ROBO2: variants seen among roughly 807,000 people sequenced by gnomAD.
The protein encoded by ROBO2 is roundabout homolog 2.
Under a neutral mutation model 160.8 loss-of-function variants are expected in ROBO2, and 53 were observed. The ratio of observed to expected loss-of-function variants is 0.33; its 90% confidence interval spans 0.26 to 0.41. ROBO2 has a LOEUF of 0.41. Among genes scored for constraint, ROBO2 ranks in the 10% least tolerant of loss-of-function variants. The pLI is 1.00. For synonymous variants in ROBO2, 664 were observed against 611.7 expected, an observed-to-expected ratio of 1.09 and a Z score of -1.26; for missense variants, 1,577 against 1,722.4, an observed-to-expected ratio of 0.92 and a Z score of 1.49.
At chr3:76,305,459 T>C (rs1052095976) in intron 2 of ROBO2, among the ~76,000 whole-genome samples, 2 of 112,820 alleles carry the variant, frequency 1.8e-5, no homozygotes, top group Non-Finnish European at 3.5e-5. Flanking sequence ...TTACATAAAA[T>C]GATGGCTACA....
At chr3:77,217,443 G>A (rs538666729) in intron 2 of ROBO2, among the ~76,000 whole-genome samples, 28 of 152,092 alleles carry the variant, frequency 1.8e-4, no homozygotes, top group African/African-American at 6.0e-4. Flanking sequence ...ATGCCTGGCC[G>A]ATTTTTCTAC....
intron 2 of ROBO2, among the ~76,000 whole-genome samples, chr3:75,954,127 A>T (rs1948645832): frequency 6.6e-6 from 1 of 151,872 alleles, no homozygotes; most frequent in African/African-American, 2.4e-5. Context: ...TCAAAAGGAT[A>T]TCATGTACCC....
chr3:77,574,449 G>A (rs772241265), intron 13 of ROBO2, 50 bp from the exon 15 acceptor site: 1 of 1,460,776 alleles, frequency 6.8e-7, no homozygotes, highest in South Asian at 1.1e-5. Context: ...TCATTGTGTT[G>A]TCTAAAATAC....
intron 2 of ROBO2, among the ~76,000 whole-genome samples, chr3:77,020,867 C>G (rs2062589889): frequency 6.6e-6 from 1 of 151,984 alleles, no homozygotes; most frequent in South Asian, 2.1e-4. Flanking sequence ...CTATAACAAA[C>G]AGTGGGAAAA....
intron 2 of ROBO2, among the ~76,000 whole-genome samples, chr3:76,504,387 A>T (rs2080659557): frequency 6.6e-6 from 1 of 152,196 alleles, no homozygotes; most frequent in Admixed American, 6.5e-5. Context: ...ACCGTGAAGA[A>T]CTATGAGATC....
chr3:76,365,068 A>C (rs916023221), intron 2 of ROBO2, among the ~76,000 whole-genome samples: 1 of 119,894 alleles, frequency 8.3e-6, no homozygotes, highest in Non-Finnish European at 1.8e-5. Context: ...TTTTCTAATA[A>C]GAAGCCACAC....
At chr3:76,035,062 G>T (rs182652223) in intron 2 of ROBO2, among the ~76,000 whole-genome samples, 125 of 152,086 alleles carry the variant, frequency 8.2e-4, no homozygotes, top group African/African-American at 2.9e-3. Flanking sequence ...TTACATAGAA[G>T]TGACTGTTTT....
At chr3:77,559,803 A>G (rs1423015171) in intron 9 of ROBO2, among the ~76,000 whole-genome samples, 4 of 151,996 alleles carry the variant, frequency 2.6e-5, no homozygotes, top group Non-Finnish European at 2.9e-5. Flanking sequence ...CTTTATATAT[A>G]TAATATTTAT....
intron 2 of ROBO2, among the ~76,000 whole-genome samples, chr3:77,351,815 A>G (rs541429414): frequency 6.6e-6 from 1 of 152,200 alleles, no homozygotes; most frequent in Admixed American, 6.5e-5. Flanking sequence ...TCCAACAATA[A>G]GAGTCGCAGG....
At chr3:76,978,367 T>G (rs1466458952) in intron 2 of ROBO2, among the ~76,000 whole-genome samples, 1 of 152,188 alleles carries the variant, frequency 6.6e-6, no homozygotes, top group East Asian at 1.9e-4. Flanking sequence ...TTTTTCTGTA[T>G]TTTCCTGTTG....
At chr3:76,338,299 T>C (rs995713293) in intron 2 of ROBO2, among the ~76,000 whole-genome samples, 2 of 152,180 alleles carry the variant, frequency 1.3e-5, no homozygotes, top group South Asian at 2.1e-4. Flanking sequence ...ATAAGGTACG[T>C]TGAAGTTTTA....
Position 76,624,197 on chromosome 3 carries a change from A to G in ROBO2, c.110-473817A>G, listed in dbSNP as rs531068356. On this transcript the variant is annotated intron_variant, in intron 2 of 26. Coordinates refer to the ROBO2 transcript ENST00000487694. ...TAAGTTTTTATTTCACATGTCATAA[A>G]TTGCAACAAAGAATTTAGGATATAA... is the stretch of plus-strand genomic sequence containing the variant. 1.4e-4 allele frequency among the ~76,000 whole-genome samples: 21 copies of G among 152,320 alleles called. 1 individual carries two copies. The South Asian group carries it at 3.9e-3, about 29-fold the overall frequency.
chr3:77,638,015 G>A (rs2095292595), intron 24 of ROBO2, among the ~76,000 whole-genome samples: 1 of 152,170 alleles, frequency 6.6e-6, no homozygotes, highest in Non-Finnish European at 1.5e-5. Flanking sequence ...TAGTGATATA[G>A]CAAAGGAAAT....
chr3:76,520,965 C>A (rs988606102), intron 2 of ROBO2, among the ~76,000 whole-genome samples: 1 of 150,504 alleles, frequency 6.6e-6, no homozygotes, highest in Non-Finnish European at 1.5e-5. Context: ...TCATTTATTA[C>A]TATTTTTTTC....
chr3:77,307,539 C>T (rs1051117448), intron 2 of ROBO2, among the ~76,000 whole-genome samples: 3 of 152,154 alleles, frequency 2.0e-5, no homozygotes, highest in African/African-American at 7.2e-5. Context: ...TTGCTGGCTT[C>T]TTCACGAAGG....
chr3:76,165,131 A>G lies in ROBO2; in HGVS notation c.109+227529A>G, dbSNP rs551615834. Among the ~76,000 whole-genome samples, 14 of 152,280 alleles carry G rather than the reference A, an allele frequency of 9.2e-5. No individual in the cohort carries two copies. In the East Asian group the frequency reaches 2.5e-3, roughly 27 times the overall value. On this transcript the variant is annotated intron_variant, in intron 2 of 26. Transcript: ENST00000487694. ...GACGTTGACTTTTCTCTATCTATGA[A>G]AGTACTAGATGGAATCTTCTTCCAG...
At chr3:77,085,017 G>A (rs2069120563) in intron 1 of ROBO2, among the ~76,000 whole-genome samples, 1 of 151,966 alleles carries the variant, frequency 6.6e-6, no homozygotes, top group Non-Finnish European at 1.5e-5. Flanking sequence ...TTTATTAAAT[G>A]GGTCACTAAA....
chr3:76,880,926 T>A (rs2073275125), intron 2 of ROBO2, among the ~76,000 whole-genome samples: 1 of 152,206 alleles, frequency 6.6e-6, no homozygotes, highest in Non-Finnish European at 1.5e-5. Context: ...TTATTCAGCC[T>A]TTTCTCTCCT....
Position 76,746,845 on chromosome 3 carries a change from G to A in ROBO2, c.110-351169G>A, listed in dbSNP as rs373069737. Among the ~76,000 whole-genome samples, 315 of 151,978 alleles carry A rather than the reference G, an allele frequency of 2.1e-3. 4 individuals are homozygous for A. The South Asian group carries it at 0.032, about 15-fold the overall frequency. ...GACAAGCCCCAGTGTTTGTTGTTAC[G>A]CTCCCTGTGTCCATATGATCTTATT... On this transcript the variant is annotated intron_variant, in intron 2 of 26. Transcript: ENST00000487694.
Sources: gnomAD v4.1 joint callset for allele counts (sites outside exome capture counted in the v4.1 genomes callset) on GRCh38, gnomAD v4.1.1 for gene constraint, MANE v1.5 for transcripts, NCBI Gene and HGNC (gene_info 2026-07-23, HGNC 2026-07-21) for gene names.